The following CHMP5 variants were observed in gnomAD, a reference collection of about 807,000 sequenced individuals.
CHMP5 encodes the protein SNF7 domain containing 2.
Under a neutral mutation model 33.0 loss-of-function variants are expected in CHMP5, and 17 were observed. The ratio of observed to expected loss-of-function variants is 0.52; its 90% confidence interval spans 0.35 to 0.77. The LOEUF is 0.77. Ranked by LOEUF, CHMP5 falls within the 30% of genes least tolerant of loss-of-function variation. The pLI is 0.01. For synonymous variants in CHMP5, 76 were observed against 90.2 expected (o/e 0.84, Z 0.89); for missense variants, 216 against 261.5 (o/e 0.83, Z 1.20).
At chr9:33,275,871 G>A (rs537455544) in intron 5 of CHMP5, among the ~76,000 whole-genome samples, 15 of 152,190 alleles carry the variant, frequency 9.9e-5, no homozygotes, top group Non-Finnish European at 1.3e-4. Context: ...TTAGCTAGGC[G>A]TGGTGGTGCA....
intron 5 of CHMP5, among the ~76,000 whole-genome samples, chr9:33,274,326 T>G (rs1169769942): frequency 8.5e-5 from 13 of 152,178 alleles, no homozygotes; most frequent in Non-Finnish European, 4.4e-5. Flanking sequence ...CGCCCTCTTT[T>G]GCCTCCCAGA....
intron 3 of CHMP5, among the ~76,000 whole-genome samples, chr9:33,268,355 C>G (rs1053190243): frequency 3.3e-5 from 5 of 151,992 alleles, no homozygotes; most frequent in African/African-American, 4.8e-5. Flanking sequence ...AATGTTTGTT[C>G]CCTCCCACCA....
Position 33,276,500 on chromosome 9 carries a change from A to T in CHMP5, c.432A>T (p.Glu144Asp), listed in dbSNP as rs757575009. Residue 144 changes from glutamate (E) to aspartate (D), a missense_variant, in exon 6 of 8, where the codon GAA becomes GAT. By Grantham distance (45) the Glu-to-Asp change is conservative. Transcript: ENST00000223500. ...AGGATATGATGGAAGATGCAAATGA[A>T]ATCCAAGAAGCACTGAGTCGCAGTT... ...QLEDMMEDAN[E>D]IQEALSRSYG... 1.1e-5 allele frequency: 18 copies of T among 1,612,266 alleles called. No individual in the cohort carries two copies. The highest frequency in any genetic ancestry group is 1.5e-5 in the Non-Finnish European group (18 of 1,178,566).
chr9:33,278,065 A>T, intron 6 of CHMP5, 48 bp from the exon 7 acceptor site: 1 of 1,226,626 alleles, frequency 8.2e-7, no homozygotes, highest in Non-Finnish European at 1.2e-6. Context: ...ATTAGCTGCC[A>T]GTTTTCTTGG....
In CHMP5 at chr9:33,281,126, T is replaced by C; in HGVS notation, c.*267T>C. On this transcript the variant is annotated 3_prime_UTR_variant, in exon 8 of 8. Transcript: ENST00000223500. ...AGCTCGTATGACTTGTTTTCATTCATTAATAATAATTTGAAATAAAACTAA... is the reference window on the plus strand; with the variant it reads ...AGCTCGTATGACTTGTTTTCATTCACTAATAATAATTTGAAATAAAACTAA... 1 of 356,880 alleles carries C rather than the reference T, an allele frequency of 2.8e-6. No homozygotes were observed. The highest frequency in any genetic ancestry group is 5.0e-6 in the Non-Finnish European group (1 of 199,914). The allele number at this position is 356,880 out of a possible 1,614,324, so 22.1% of individuals were successfully genotyped here.
intron 2 of CHMP5, among the ~76,000 whole-genome samples, chr9:33,267,087 C>T (rs1820736262): frequency 6.6e-6 from 1 of 152,142 alleles, no homozygotes; most frequent in South Asian, 2.1e-4. Context: ...GACCTGTGTA[C>T]CACTATGTCT....
chr9:33,266,886 TCCTGTTAGGTAGAAA>T (rs765894096), intron 2 of CHMP5, among the ~76,000 whole-genome samples: 2 of 152,314 alleles, frequency 1.3e-5, no homozygotes, highest in Non-Finnish European at 2.9e-5. Flanking sequence ...TATTTTCCAC[TCCTGTTAGGTAGAAA>T]CATAAAATAC....
intron 7 of CHMP5, 105 bp downstream of exon 7, chr9:33,278,330 A>G (rs1820879962): frequency 2.8e-6 from 2 of 715,298 alleles, no homozygotes; most frequent in Non-Finnish European, 2.4e-6. Context: ...GAACAAAGAA[A>G]GACAGTCCTG....
intron 6 of CHMP5, among the ~76,000 whole-genome samples, chr9:33,277,335 A>C (rs1207085144): frequency 1.3e-5 from 2 of 152,194 alleles, no homozygotes; most frequent in Admixed American, 1.3e-4. Flanking sequence ...TAGCAGTGGA[A>C]GACATAAATG....
intron 3 of CHMP5, among the ~76,000 whole-genome samples, chr9:33,268,568 T>G (rs1018407069): frequency 1.3e-5 from 2 of 152,220 alleles, no homozygotes; most frequent in Admixed American, 6.5e-5. Flanking sequence ...AATGACTTTT[T>G]ATAAGATACC....
intron 2 of CHMP5, among the ~76,000 whole-genome samples, 176 bp downstream of exon 2, chr9:33,266,290 G>A (rs1415811255): frequency 1.3e-5 from 2 of 152,168 alleles, no homozygotes; most frequent in Non-Finnish European, 2.9e-5. Context: ...GGCCAACATA[G>A]CGAAACCCTG....
chr9:33,276,986 A>G (rs1413998300), intron 6 of CHMP5, among the ~76,000 whole-genome samples: 2 of 152,088 alleles, frequency 1.3e-5, no homozygotes, highest in Non-Finnish European at 2.9e-5. Context: ...ACTCAAGCCC[A>G]GGAGTTCGAG....
chr9:33,279,673 C>A (rs542841228), intron 7 of CHMP5, among the ~76,000 whole-genome samples: 2 of 151,958 alleles, frequency 1.3e-5, no homozygotes, highest in South Asian at 4.2e-4. Flanking sequence ...ACCATCCTGG[C>A]CAACATGGTG....
At position 33,266,092 on chromosome 9, in the gene CHMP5, A is replaced by G; in HGVS notation, c.152A>G (p.Lys51Arg). Residue 51 changes from lysine (K) to arginine (R), a missense_variant, in exon 2 of 8, where the codon AAG becomes AGG. Lys to Arg is a conservative substitution (Grantham distance 26). Coordinates refer to ENST00000223500, the MANE Select transcript of CHMP5 (RefSeq NM_016410.6). ...GTGAAGTATAAGGATCAGATCAAGA[A>G]GATGAGAGAGGGTCCTGCAAAGGTA... is the stretch of plus-strand genomic sequence containing the variant. Reference protein sequence around the residue: ...ELVKYKDQIKKMREGPAKNMV... With the variant: ...ELVKYKDQIKRMREGPAKNMV... 1.9e-6 allele frequency: 3 copies of G among 1,612,530 alleles called. No individual in the cohort carries two copies. The highest frequency in any genetic ancestry group is 2.5e-6 in the Non-Finnish European group (3 of 1,178,762).
At chr9:33,275,743 C>T (rs1463373997) in intron 5 of CHMP5, among the ~76,000 whole-genome samples, 1 of 152,200 alleles carries the variant, frequency 6.6e-6, no homozygotes, top group Admixed American at 6.5e-5. Context: ...GGCACAGTAG[C>T]TCATGCCTAT....
intron 6 of CHMP5, 74 bp downstream of exon 6, chr9:33,276,638 A>T (rs1820858461): frequency 1.3e-6 from 1 of 775,950 alleles, no homozygotes; most frequent in Non-Finnish European, 2.2e-6. Context: ...CCTTTTCTCA[A>T]ATGCTAGTGA....
At chr9:33,269,189 C>T (rs778688265) in intron 3 of CHMP5, among the ~76,000 whole-genome samples, 1 of 152,092 alleles carries the variant, frequency 6.6e-6, no homozygotes, top group African/African-American at 2.4e-5. Context: ...GATGGATTAC[C>T]TAATTATGGG....
Position 33,270,807 on chromosome 9 carries a change from C to T in CHMP5, c.315+91C>T. ...TTTAAAGACAGTTTAACCAGCCAGG[C>T]ACAGTGGCTCACGCCTGTAATCCCA... On this transcript the variant is annotated intron_variant, in intron 4 of 7. Coordinates refer to ENST00000223500, the MANE Select transcript of CHMP5 (RefSeq NM_016410.6). The T allele has an allele frequency of 1.9e-6, 2 of 1,026,020 alleles. No individual in the cohort carries two copies. The highest frequency in any genetic ancestry group is 2.4e-5 in the East Asian group (1 of 41,422). 63.6% of individuals were successfully genotyped at this position (1,026,020 alleles called of 1,614,324 possible).
intron 5 of CHMP5, among the ~76,000 whole-genome samples, chr9:33,273,599 A>G (rs1035119830): frequency 3.3e-5 from 5 of 151,924 alleles, no homozygotes; most frequent in Non-Finnish European, 7.4e-5. Context: ...TTACTTAGAA[A>G]ATATTTTCAT....
Sources: allele counts gnomAD v4.1 joint callset (sites outside exome capture counted in the v4.1 genomes callset), GRCh38; gene constraint gnomAD v4.1.1; transcripts MANE v1.5; gene names NCBI Gene and HGNC (gene_info 2026-07-23, HGNC 2026-07-21).